Variants in FBXW9 observed in about 807,000 individuals in gnomAD.
FBXW9 encodes the protein F-box and WD repeat domain containing 9, also known as F-box/WD repeat-containing protein 9.
Under a neutral mutation model 55.8 loss-of-function variants are expected in FBXW9, and 38 were observed. The observed-to-expected ratio is 0.68, with a 90% CI of 0.53 to 0.89. The LOEUF is 0.89. FBXW9 is among the 40% of genes least tolerant of loss of function. The pLI is 0.00. For synonymous variants in FBXW9, 289 were observed against 278.2 expected (o/e 1.04, Z -0.38); for missense variants, 590 against 619.4 (o/e 0.95, Z 0.50).
chr19:12,694,862 C>T lies in FBXW9; in HGVS notation c.486G>A (p.Trp162Ter), dbSNP rs760764416. 16 of 1,613,994 alleles carry T rather than the reference C, an allele frequency of 9.9e-6. No individual in the cohort carries two copies. Among genetic ancestry groups the T allele is most frequent in the Middle Eastern group, 3.3e-4 (2 of 6,084 alleles). Residue 162 changes from tryptophan to a stop codon, truncating the protein, a stop_gained, in exon 2 of 10, where the codon TGG becomes TGA. Coordinates refer to ENST00000393261, the MANE Select transcript of FBXW9 (RefSeq NM_032301.3). LOFTEE classifies it high-confidence loss of function. Reference sequence around the variant, plus strand: ...CTTCGGCCAGGCAGAAGTATTCGACCCAGCGCCCATCCTCTGCCCAGCGGG... The same window carrying T: ...CTTCGGCCAGGCAGAAGTATTCGACTCAGCGCCCATCCTCTGCCCAGCGGG... ...HLSRWAEDGRWVEYFCLAEGH... is the reference protein window; with the variant it reads ...HLSRWAEDGR
At position 12,689,220 on chromosome 19, in the gene FBXW9, G is replaced by A. The variant is rs752596440; in HGVS notation, c.1373C>T (p.Ala458Val). The A allele has an allele frequency of 7.5e-6, 12 of 1,607,462 alleles. No individual in the cohort carries two copies. The highest frequency in any genetic ancestry group is 9.4e-6 in the Non-Finnish European group (11 of 1,173,946). The change falls in exon 10 of 10, where the codon GCC becomes GTC. Residue 458 changes from alanine (A) to valine (V), a missense_variant. Ala to Val is a moderately conservative substitution (Grantham distance 64). Coordinates refer to ENST00000393261, the MANE Select transcript of FBXW9 (RefSeq NM_032301.3). This position sits in a 1 kb window ranked among gnomAD's most constrained non-coding sequence, Gnocchi z 5.9. The stretch of plus-strand genomic sequence containing the variant: ...TCCACATCCACGCCCACCTGCTCAG[G>A]CCTGCAGCCTCCAGACCTCTAGCGA... ...DLSLEVWRLQ[A>V]
rs2025072323 is a variant in FBXW9, at chr19:12,696,415, G to C, written c.167C>G (p.Pro56Arg). The C allele has an allele frequency of 5.0e-6, 8 of 1,611,822 alleles. No individual in the cohort carries two copies. Among genetic ancestry groups the C allele is most frequent in the Non-Finnish European group, 5.9e-6 (7 of 1,179,678 alleles). ...CTCCGAAGCGCTCGGGGACGCGGCG[G>C]GTGTGGATAGCTGCGAGGGGCGCGA... Reference protein sequence around the residue: ...AFSRPSQLSTPAASPSASEPR... With the variant: ...AFSRPSQLSTRAASPSASEPR... Residue 56 changes from proline (P) to arginine (R), a missense_variant, in exon 1 of 10, where the codon CCC (proline) becomes CGC (arginine). Physicochemically the swap from Pro to Arg is moderately radical, Grantham distance 103. Coordinates refer to ENST00000393261, the MANE Select transcript of FBXW9 (RefSeq NM_032301.3).
At position 12,689,928 on chromosome 19, in the gene FBXW9, T is replaced by A. The variant is rs1385771178; in HGVS notation, c.1032+34A>T. The A allele has an allele frequency of 5.0e-6, 8 of 1,612,166 alleles. No individual in the cohort carries two copies. Among genetic ancestry groups the A allele is most frequent in the Non-Finnish European group, 6.8e-6 (8 of 1,178,618 alleles). ...TCAGGCCGGGCTGGGCCTGCAACAG[T>A]CCCCATCCCTCCAGGCCCCTGGGGA... On this transcript the variant is annotated intron_variant, in intron 6 of 9. Transcript: ENST00000393261. This position sits in a 1 kb window ranked among gnomAD's most constrained non-coding sequence, Gnocchi z 5.9.
chr19:12,690,878 G>A (rs1482345265), intron 5 of FBXW9, among the ~76,000 whole-genome samples: 1 of 152,296 alleles, frequency 6.6e-6, no homozygotes, highest in Admixed American at 6.5e-5. Context: ...TGGGGCTGCT[G>A]TGGTATTATT....
At chr19:12,695,072 T>A in intron 1 of FBXW9, 134 bp from the exon 2 acceptor site, 1 of 1,054,182 alleles carries the variant, frequency 9.5e-7, no homozygotes, top group Admixed American at 2.8e-5. Context: ...AGATCCCTAC[T>A]CCCACCCCAA....
chr19:12,696,303 G>A lies in FBXW9; in HGVS notation c.279C>T (p.Tyr93=). The change falls in exon 1 of 10, where the codon TAC becomes TAT. Residue 93 remains tyrosine (Y), a synonymous_variant. Coordinates refer to ENST00000393261, the MANE Select transcript of FBXW9 (RefSeq NM_032301.3). ...CGTGGAGCACGAGGCGGGCGTCCAG[G>A]TAGGAGCAGATCTCGAGCAGCAGCT... is the stretch of plus-strand genomic sequence containing the variant. ...PPELLLEICS[Y]LDARLVLHVL... 6.3e-7 allele frequency: 1 copy of A among 1,581,056 alleles called. No individual in the cohort carries two copies. Among genetic ancestry groups the A allele is most frequent in the Non-Finnish European group, 8.6e-7 (1 of 1,164,202 alleles).
Position 12,694,799 on chromosome 19 carries a change from C to G in FBXW9, c.549G>C (p.Gln183His). Residue 183 changes from glutamine (Q) to histidine (H), a missense_variant and splice_region_variant, in exon 2 of 10, where the codon CAG (glutamine) becomes CAC (histidine). Transcript: ENST00000393261. ...VASVDSVLLLQGGSLCLSGSR... is the reference protein window; with the variant it reads ...VASVDSVLLLHGGSLCLSGSR... ...TGGCCCCCCACAGACCCCGTCTCAC[C>G]TGGAGCAGCAGCACTGAGTCAACGG... 6.2e-7 allele frequency: 1 copy of G among 1,613,996 alleles called. No homozygotes were observed. The highest frequency in any genetic ancestry group is 1.3e-5 in the African/African-American group (1 of 75,068).
At chr19:12,694,423 A>C (rs2025049122) in intron 3 of FBXW9, among the ~76,000 whole-genome samples, 171 bp downstream of exon 3, 1 of 151,466 alleles carries the variant, frequency 6.6e-6, no homozygotes, top group Non-Finnish European at 1.5e-5. Flanking sequence ...CTAATCACCC[A>C]CTGGACAGAA....
chr19:12,693,253 G>A (rs536025934), intron 3 of FBXW9, among the ~76,000 whole-genome samples: 9 of 151,808 alleles, frequency 5.9e-5, no homozygotes, highest in South Asian at 4.2e-4. Flanking sequence ...CACCTCTCAC[G>A]AGATGACAGT....
chr19:12,691,420 C>A lies in FBXW9; in HGVS notation c.713G>T (p.Arg238Leu). 9 of 1,600,294 alleles carry A rather than the reference C, an allele frequency of 5.6e-6. No individual in the cohort carries two copies. Among genetic ancestry groups the A allele is most frequent in the Non-Finnish European group, 7.7e-6 (9 of 1,174,426 alleles). The change falls in exon 4 of 10, where the codon CGC becomes CTC. Residue 238 changes from arginine to leucine, a missense_variant. Transcript: ENST00000393261. The stretch of plus-strand genomic sequence containing the variant: ...GCTGTCCCAGGAGCCGGAGCACACG[C>A]GGTGGTCCTGCGCTGCCAGTGACCA... ...WVWSLAAQDH[R>L]VCSGSWDSTV...
At chr19:12,692,966 A>C (rs2025025702) in intron 3 of FBXW9, among the ~76,000 whole-genome samples, 1 of 152,166 alleles carries the variant, frequency 6.6e-6, no homozygotes, top group Admixed American at 6.5e-5. Context: ...ATTCATCAGC[A>C]AATTGGGCAG....
In FBXW9 at chr19:12,696,575, G is replaced by A. The variant is rs776001053; in HGVS notation, c.7C>T (p.Leu3Phe). The A allele has an allele frequency of 3.7e-6, 6 of 1,608,872 alleles. No homozygotes were observed. Among genetic ancestry groups the A allele is most frequent in the East Asian group, 2.2e-5 (1 of 44,870 alleles). Residue 3 changes from leucine (L) to phenylalanine (F), a missense_variant, in exon 1 of 10, where the codon CTT becomes TTT. Coordinates refer to ENST00000393261, the MANE Select transcript of FBXW9 (RefSeq NM_032301.3). ME[L>F]PLGRCDDSRT... ...GAATCATCGCACCGCCCTAGGGGAA[G>A]CTCCATTGCGACCGGGTGGGCGCTG...
At chr19:12,694,327 G>A (rs1466218048) in intron 3 of FBXW9, among the ~76,000 whole-genome samples, 1 of 133,628 alleles carries the variant, frequency 7.5e-6, no homozygotes, top group Non-Finnish European at 1.5e-5. Context: ...GACAGAACGA[G>A]ACTCCGTCTC....
At position 12,689,835 on chromosome 19, in the gene FBXW9, G is replaced by A. The variant is rs778723270; in HGVS notation, c.1072C>T (p.Gln358Ter). The change falls in exon 7 of 10, where the codon CAG becomes TAG. Residue 358 changes from glutamine to a stop codon, truncating the protein, a stop_gained. Transcript: ENST00000393261. LOFTEE classifies it high-confidence loss of function. This position sits in a 1 kb window ranked among gnomAD's most constrained non-coding sequence, Gnocchi z 5.9. The stretch of plus-strand genomic sequence containing the variant: ...CCCTGGTTGTCACCAGCCCAGAGCT[G>A]GGGTTCCTGGTAGGACATGCAGAGC... ...YLLCMSYQEP[Q>*]LWAGDNQGLL... 7 of 1,614,038 alleles carry A rather than the reference G, an allele frequency of 4.3e-6. No individual in the cohort carries two copies. Among genetic ancestry groups the A allele is most frequent in the Non-Finnish European group, 5.9e-6 (7 of 1,180,020 alleles).
chr19:12,694,664 C>G lies in FBXW9; in HGVS notation c.608G>C (p.Arg203Pro). 1 of 1,614,194 alleles carries G rather than the reference C, an allele frequency of 6.2e-7. No homozygotes were observed. Among genetic ancestry groups the G allele is most frequent in the South Asian group, 1.1e-5 (1 of 91,090 alleles). ...CTGGTTGGACTCCGTCCCCAGCTGC[C>G]GCAGGTCCCACAAGTTGACGTTGCG... ...RDRNVNLWDLRQLGTESNQVL... is the reference protein window; with the variant it reads ...RDRNVNLWDLPQLGTESNQVL... Residue 203 changes from arginine to proline, a missense_variant, in exon 3 of 10, where the codon CGG (arginine) becomes CCG (proline). By Grantham distance (103) the Arg-to-Pro change is moderately radical (BLOSUM62 -2). Transcript: ENST00000393261.
chr19:12,694,050 T>C (rs1007849945), intron 3 of FBXW9, among the ~76,000 whole-genome samples: 3 of 150,880 alleles, frequency 2.0e-5, no homozygotes, highest in African/African-American at 7.3e-5. Flanking sequence ...TAGCTGGGCA[T>C]GGTGGTCCTA....
rs868844099 is a variant in FBXW9, at chr19:12,696,463, G to A, written c.119C>T (p.Pro40Leu). The A allele has an allele frequency of 6.2e-7, 1 of 1,612,618 alleles. No homozygotes were observed. The highest frequency in any genetic ancestry group is 8.5e-7 in the Non-Finnish European group (1 of 1,179,892). Reference protein sequence around the residue: ...AKAYVARVLSPPKSGLAFSRP... With the variant: ...AKAYVARVLSLPKSGLAFSRP... ...CGAGAACGCCAGCCCGGATTTTGGC[G>A]GACTGAGAACGCGGGCCACGTAGGC... Residue 40 changes from proline to leucine, a missense_variant, in exon 1 of 10, where the codon CCG becomes CTG. Coordinates refer to ENST00000393261, the MANE Select transcript of FBXW9 (RefSeq NM_032301.3).
At position 12,689,910 on chromosome 19, in the gene FBXW9, G is replaced by A. The variant is rs746624998; in HGVS notation, c.1033-36C>T. 15 of 1,611,586 alleles carry A rather than the reference G, an allele frequency of 9.3e-6. No individual in the cohort carries two copies. Among genetic ancestry groups the A allele is most frequent in the South Asian group, 3.3e-5 (3 of 91,044 alleles). The stretch of plus-strand genomic sequence containing the variant: ...GACAAGGGACGGGACAGCTCAGGCC[G>A]GGCTGGGCCTGCAACAGTCCCCATC... On this transcript the variant is annotated intron_variant, in intron 6 of 9. Transcript: ENST00000393261. The surrounding 1 kb of genome is among the most constrained non-coding windows in gnomAD (Gnocchi z 5.9).
chr19:12,695,715 T>C (rs977948951), intron 1 of FBXW9, among the ~76,000 whole-genome samples: 1 of 152,298 alleles, frequency 6.6e-6, no homozygotes, highest in South Asian at 2.1e-4. Context: ...GTCAAGGCTC[T>C]AGGGCTCAGG....
Sources: gnomAD v4.1 joint callset for allele counts (sites outside exome capture counted in the v4.1 genomes callset) on GRCh38, gnomAD v4.1.1 for gene constraint, Gnocchi (gnomAD v3.1) non-coding constraint, MANE v1.5 for transcripts, NCBI Gene and HGNC (gene_info 2026-07-23, HGNC 2026-07-21) for gene names.